Variants in ATF7IP2 observed in about 807,000 individuals in gnomAD.
ATF7IP2 encodes the protein activating transcription factor 7 interacting protein 2.
In ATF7IP2, 42 loss-of-function variants were observed where a neutral mutation model predicts 64.2. The observed-to-expected ratio is 0.65, with a 90% CI of 0.51 to 0.85. ATF7IP2 has a LOEUF of 0.85. Among genes scored for constraint, ATF7IP2 ranks in the 40% least tolerant of loss-of-function variants. The pLI is 0.00. For synonymous variants in ATF7IP2, 308 were observed against 272.8 expected (o/e 1.13, Z -1.27); for missense variants, 933 against 784.2 (o/e 1.19, Z -2.27).
At chr16:10,426,432 C>T (rs1351933208) in intron 3 of ATF7IP2, among the ~76,000 whole-genome samples, 2 of 152,192 alleles carry the variant, frequency 1.3e-5, no homozygotes, top group Non-Finnish European at 2.9e-5. Flanking sequence ...CCTAAGCATT[C>T]TCATGCAGAC....
intron 9 of ATF7IP2, among the ~76,000 whole-genome samples, chr16:10,468,492 A>G (rs2049666277): frequency 6.6e-6 from 1 of 152,194 alleles, no homozygotes; most frequent in Non-Finnish European, 1.5e-5. Flanking sequence ...AATGACATGA[A>G]CTCTACCATT....
intron 1 of ATF7IP2, among the ~76,000 whole-genome samples, chr16:10,402,194 G>GT (rs1470751399): frequency 2.6e-5 from 4 of 151,926 alleles, no homozygotes; most frequent in Non-Finnish European, 5.9e-5. Context: ...TTTTTGAACT[G>GT]TTTTTTTGAT....
At chr16:10,429,729 T>A (rs1251890369) in intron 4 of ATF7IP2, among the ~76,000 whole-genome samples, 1 of 108,708 alleles carries the variant, frequency 9.2e-6, no homozygotes, top group African/African-American at 3.6e-5. Context: ...TATTTTATTT[T>A]ATTTATTTTA....
intron 6 of ATF7IP2, 75 bp from the exon 7 acceptor site, chr16:10,438,026 G>C (rs572087631): frequency 3.2e-5 from 38 of 1,194,132 alleles, no homozygotes; most frequent in African/African-American, 9.4e-5. Flanking sequence ...AAAGAGCAAG[G>C]CTTTTTAAGT....
intron 4 of ATF7IP2, among the ~76,000 whole-genome samples, chr16:10,429,616 T>G (rs569117312): frequency 6.6e-6 from 1 of 152,288 alleles, no homozygotes; most frequent in South Asian, 2.1e-4. Flanking sequence ...CCCAAAGTGC[T>G]AGGATTACAG....
intron 12 of ATF7IP2, among the ~76,000 whole-genome samples, chr16:10,479,597 C>T (rs1177100468): frequency 6.6e-6 from 1 of 151,428 alleles, no homozygotes; most frequent in African/African-American, 2.4e-5. Flanking sequence ...CACATGTATA[C>T]ATATGTAACT....
At chr16:10,412,029 T>G (rs1234031052) in intron 1 of ATF7IP2, among the ~76,000 whole-genome samples, 7 of 146,112 alleles carry the variant, frequency 4.8e-5, no homozygotes, top group Non-Finnish European at 9.1e-5. Flanking sequence ...TTTTTTTTTT[T>G]TTTTTTTTTT....
At chr16:10,452,556 G>A (rs1159827756) in intron 8 of ATF7IP2, among the ~76,000 whole-genome samples, 1 of 152,168 alleles carries the variant, frequency 6.6e-6, no homozygotes, top group Non-Finnish European at 1.5e-5. Flanking sequence ...ACTGGGAGGT[G>A]TCTCCCAGTC....
At chr16:10,429,147 C>A (rs1184179797) in intron 4 of ATF7IP2, 131 bp downstream of exon 4, 1 of 152,160 alleles carries the variant, frequency 6.6e-6, no homozygotes, top group African/African-American at 2.4e-5. Context: ...TCACTTTTAG[C>A]AAATACATCA....
Position 10,482,190 on chromosome 16 carries a change from C to T in ATF7IP2, c.1990C>T (p.Arg664Ter). The change falls in exon 14 of 14, where the codon CGA becomes TGA. Residue 664 changes from arginine (R) to a stop codon, truncating the protein, a stop_gained. Transcript: ENST00000562102. LOFTEE classifies it high-confidence loss of function. ...FTVQSKDIFG[R>*]YGPFCDIKSI... ...TGTCCAATCAAAAGATATTTTTGGA[C>T]GATATGGACCATTCTGTGATATAAA... 2 of 1,612,006 alleles carry T rather than the reference C, an allele frequency of 1.2e-6. No homozygotes were observed. Among genetic ancestry groups the T allele is most frequent in the Non-Finnish European group, 1.7e-6 (2 of 1,178,858 alleles).
At chr16:10,460,141 C>CA (rs2049325936) in intron 9 of ATF7IP2, among the ~76,000 whole-genome samples, 1 of 151,764 alleles carries the variant, frequency 6.6e-6, no homozygotes, top group Non-Finnish European at 1.5e-5. Context: ...AAGATAGAAA[C>CA]AATCAGGAAA....
chr16:10,413,441 T>G (rs1349514809), intron 1 of ATF7IP2, among the ~76,000 whole-genome samples: 2 of 152,218 alleles, frequency 1.3e-5, no homozygotes, highest in Admixed American at 6.5e-5. Context: ...CCCAGCCATG[T>G]GGAACTGTAA....
intron 9 of ATF7IP2, among the ~76,000 whole-genome samples, chr16:10,467,350 T>C (rs1275405493): frequency 6.6e-6 from 1 of 152,146 alleles, no homozygotes; most frequent in Non-Finnish European, 1.5e-5. Flanking sequence ...TACTGTAGCT[T>C]CAACCAAAGA....
At position 10,482,149 on chromosome 16, in the gene ATF7IP2, A is replaced by T; in HGVS notation, c.1949A>T (p.Asn650Ile). The T allele has an allele frequency of 6.2e-7, 1 of 1,613,662 alleles. No homozygotes were observed. Among genetic ancestry groups the T allele is most frequent in the Non-Finnish European group, 8.5e-7 (1 of 1,179,542 alleles). ...ACTLSQFLAS[N>I]RYYFTVQSKD... is the part of the protein sequence containing the mutation. Reference sequence around the variant, plus strand: ...ACTTTATCTCAGTTTTTAGCTTCCAACAGATACTATTTTACTGTCCAATCA... The same window carrying T: ...ACTTTATCTCAGTTTTTAGCTTCCATCAGATACTATTTTACTGTCCAATCA... Residue 650 changes from asparagine to isoleucine, a missense_variant, in exon 14 of 14, where the codon AAC becomes ATC. Coordinates refer to ENST00000562102, the MANE Select transcript of ATF7IP2 (RefSeq NM_001393719.1).
intron 1 of ATF7IP2, among the ~76,000 whole-genome samples, chr16:10,409,755 T>C (rs1695403365): frequency 1.3e-5 from 2 of 152,228 alleles, no homozygotes; most frequent in South Asian, 4.1e-4. Flanking sequence ...GATTTTTGTC[T>C]AAGGTGAGAG....
chr16:10,389,706 G>C (rs527393323), intron 1 of ATF7IP2, among the ~76,000 whole-genome samples: 1 of 152,284 alleles, frequency 6.6e-6, no homozygotes, highest in Non-Finnish European at 1.5e-5. Context: ...TAGATATTCG[G>C]GAGTGCTGGC....
At chr16:10,453,335 G>A (rs1279319733) in intron 8 of ATF7IP2, among the ~76,000 whole-genome samples, 1 of 152,150 alleles carries the variant, frequency 6.6e-6, no homozygotes, top group Non-Finnish European at 1.5e-5. Flanking sequence ...CCCTTGGGTA[G>A]GGAAGAGAAT....
intron 1 of ATF7IP2, among the ~76,000 whole-genome samples, chr16:10,403,118 A>G (rs1015524581): frequency 6.6e-6 from 1 of 152,132 alleles, no homozygotes. Flanking sequence ...TTCCATGTTA[A>G]TGGATGTCAG....
At chr16:10,411,618 C>G (rs2047761861) in intron 1 of ATF7IP2, among the ~76,000 whole-genome samples, 1 of 152,122 alleles carries the variant, frequency 6.6e-6, no homozygotes, top group South Asian at 2.1e-4. Flanking sequence ...ATCCACCCAC[C>G]TTGGTCTCTC....
Sources: gnomAD v4.1 joint callset for allele counts (sites outside exome capture counted in the v4.1 genomes callset) on GRCh38, gnomAD v4.1.1 for gene constraint, MANE v1.5 for transcripts, NCBI Gene and HGNC (gene_info 2026-07-23, HGNC 2026-07-21) for gene names.